The following TCF7L1 variants were observed in gnomAD, a reference collection of about 807,000 sequenced individuals.
TCF7L1 encodes transcription factor 7 like 1, also known as transcription factor 7-like 1.
Under a neutral mutation model 63.7 loss-of-function variants are expected in TCF7L1, and 18 were observed. The observed-to-expected ratio is 0.28, with a 90% confidence interval of 0.20 to 0.42. The LOEUF (loss-of-function observed/expected upper bound fraction) is 0.42, where lower values mean the gene tolerates loss of function less well. Among genes scored for constraint, TCF7L1 ranks in the 10% least tolerant of loss-of-function variants. The pLI is 1.00. For synonymous variants in TCF7L1, 355 were observed against 340.9 expected (o/e 1.04, Z -0.46); for missense variants, 654 against 779.3 (o/e 0.84, Z 1.91).
intron 3 of TCF7L1, among the ~76,000 whole-genome samples, chr2:85,146,752 C>T (rs1175997864): frequency 2.0e-5 from 3 of 152,032 alleles, no homozygotes; most frequent in South Asian, 2.1e-4. Context: ...GATCTGCCTG[C>T]GTCGGCCTCC....
At chr2:85,166,360 G>A (rs190979859) in intron 3 of TCF7L1, among the ~76,000 whole-genome samples, 128 of 152,360 alleles carry the variant, frequency 8.4e-4, no homozygotes, top group African/African-American at 2.9e-3. Context: ...GTTTCTCTGG[G>A]CTGGAGAGCA....
intron 3 of TCF7L1, among the ~76,000 whole-genome samples, chr2:85,165,386 C>T (rs1031890076): frequency 6.6e-6 from 1 of 152,210 alleles, no homozygotes; most frequent in Non-Finnish European, 1.5e-5. Flanking sequence ...TAAATCTGCC[C>T]TCCAGTCCTG....
intron 3 of TCF7L1, among the ~76,000 whole-genome samples, chr2:85,182,770 G>A (rs1478588716): frequency 6.6e-6 from 1 of 152,242 alleles, no homozygotes; most frequent in African/African-American, 2.4e-5. Context: ...AGCACTGCCT[G>A]TTCATTCAGG....
At chr2:85,185,136 C>T (rs192219232) in intron 3 of TCF7L1, among the ~76,000 whole-genome samples, 9 of 152,218 alleles carry the variant, frequency 5.9e-5, no homozygotes, top group Admixed American at 2.0e-4. Flanking sequence ...AAGGACTTAG[C>T]GACGCCTGAG....
chr2:85,144,715 CTCTCTG>C (rs1406281416), intron 3 of TCF7L1, among the ~76,000 whole-genome samples: 3 of 125,118 alleles, frequency 2.4e-5, no homozygotes, highest in South Asian at 2.8e-4. Context: ...TTCTCTCTCT[CTCTCTG>C]TGTGTGTGTG....
At chr2:85,148,428 G>T (rs994866723) in intron 3 of TCF7L1, among the ~76,000 whole-genome samples, 10 of 152,160 alleles carry the variant, frequency 6.6e-5, no homozygotes, top group Admixed American at 5.9e-4. Context: ...ACCAGGGTTT[G>T]CAGAGCACTG....
chr2:85,239,096 C>T (rs910317908), intron 3 of TCF7L1, among the ~76,000 whole-genome samples: 5 of 152,050 alleles, frequency 3.3e-5, no homozygotes, highest in South Asian at 2.1e-4. Flanking sequence ...TAAAATTTAA[C>T]GTAATTCCTT....
chr2:85,308,412 T>TCCCCC (rs1184046149), intron 11 of TCF7L1, among the ~76,000 whole-genome samples: 1 of 96,738 alleles, frequency 1.0e-5, no homozygotes, highest in Non-Finnish European at 2.0e-5. Context: ...TCCCTCCCTT[T>TCCCCC]CCCCTTCCCT....
intron 3 of TCF7L1, among the ~76,000 whole-genome samples, chr2:85,245,199 G>A (rs1680432844): frequency 6.6e-6 from 1 of 152,186 alleles, no homozygotes; most frequent in South Asian, 2.1e-4. Flanking sequence ...TCCAGACTTG[G>A]AACCTAAGCT....
chr2:85,285,049 C>G (rs945507098), intron 4 of TCF7L1, among the ~76,000 whole-genome samples: 3 of 152,036 alleles, frequency 2.0e-5, no homozygotes, highest in Admixed American at 6.6e-5. Context: ...CTGGCTAACA[C>G]GGTGAAACAC....
intron 3 of TCF7L1, among the ~76,000 whole-genome samples, chr2:85,169,384 G>A (rs1229505278): frequency 2.0e-5 from 3 of 150,138 alleles, no homozygotes; most frequent in Non-Finnish European, 4.4e-5. Flanking sequence ...TTAATGAGAT[G>A]GAGTTTCGCT....
At chr2:85,303,833 T>A in intron 5 of TCF7L1, 62 bp from the exon 6 acceptor site, 1 of 1,283,376 alleles carries the variant, frequency 7.8e-7, no homozygotes, top group Non-Finnish European at 1.1e-6. Context: ...TCCCATTTGA[T>A]GTTCGTTAAG....
intron 4 of TCF7L1, among the ~76,000 whole-genome samples, chr2:85,295,871 G>A (rs1203322654): frequency 2.2e-5 from 3 of 139,168 alleles, no homozygotes; most frequent in Non-Finnish European, 4.5e-5. Flanking sequence ...TCCGCCTCCT[G>A]GGTTCAAGTG....
At chr2:85,259,817 C>T (rs994813711) in intron 3 of TCF7L1, among the ~76,000 whole-genome samples, 4 of 152,006 alleles carry the variant, frequency 2.6e-5, no homozygotes, top group South Asian at 2.1e-4. Context: ...CCTTGAAATG[C>T]GGGGATGTTG....
intron 3 of TCF7L1, among the ~76,000 whole-genome samples, chr2:85,255,355 C>T (rs1680689017): frequency 6.6e-6 from 1 of 152,158 alleles, no homozygotes; most frequent in Admixed American, 6.5e-5. Flanking sequence ...CCAGCTGTCT[C>T]CCCATTCCCT....
intron 3 of TCF7L1, among the ~76,000 whole-genome samples, chr2:85,241,528 C>T (rs1350347696): frequency 7.1e-6 from 1 of 141,844 alleles, no homozygotes; most frequent in Non-Finnish European, 1.5e-5. Flanking sequence ...CTCACTGCAA[C>T]CTCTGCCTCC....
chr2:85,142,996 G>A (rs1176697080), intron 3 of TCF7L1, among the ~76,000 whole-genome samples: 1 of 152,184 alleles, frequency 6.6e-6, no homozygotes, highest in African/African-American at 2.4e-5. Context: ...TTCTAATTGA[G>A]AAGTATACTT....
intron 3 of TCF7L1, among the ~76,000 whole-genome samples, chr2:85,169,045 C>T (rs1347068695): frequency 6.6e-6 from 1 of 152,196 alleles, no homozygotes; most frequent in Admixed American, 6.5e-5. Context: ...CCATTAGTGT[C>T]AGTTTCATCT....
In TCF7L1 at chr2:85,166,765, T is replaced by TGGG. The variant is rs1678428115; in HGVS notation, c.441+32315_441+32316insGGG. Among the ~76,000 whole-genome samples the TGGG allele has an allele frequency of 2.6e-5, 4 of 152,228 alleles. No individual in the cohort carries two copies. In the South Asian group the frequency reaches 8.3e-4, roughly 32 times the overall value. Reference sequence around the variant, plus strand: ...TGTCCCAAAGCTGGTCATGGGTTGATTGTCTCTTTAGCACCTCTCAGTTGA... The same window carrying TGGG: ...TGTCCCAAAGCTGGTCATGGGTTGATGGGTGTCTCTTTAGCACCTCTCAGTTGA... On this transcript the variant is annotated intron_variant, in intron 3 of 11. Transcript: ENST00000282111.
Sources: gnomAD v4.1 joint callset for allele counts (sites outside exome capture counted in the v4.1 genomes callset) on GRCh38, gnomAD v4.1.1 for gene constraint, MANE v1.5 for transcripts, NCBI Gene and HGNC (gene_info 2026-07-23, HGNC 2026-07-21) for gene names.